The following RASA3 variants were observed in gnomAD, a reference collection of about 807,000 sequenced individuals.
RASA3 encodes RAS p21 protein activator 3.
In RASA3, 73 loss-of-function variants were observed where a neutral mutation model predicts 110.0. The observed-to-expected ratio is 0.66, with a 90% CI of 0.55 to 0.81. The LOEUF (loss-of-function observed/expected upper bound fraction) is 0.81. Ranked by LOEUF, RASA3 falls within the 30% of genes least tolerant of loss-of-function variation. RASA3 has a pLI of 0.00. For synonymous variants in RASA3, 500 were observed against 451.4 expected (o/e 1.11, Z -1.37); for missense variants, 976 against 1,113.2 (o/e 0.88, Z 1.75).
chr13:114,039,437 G>A (rs970340886), intron 4 of RASA3, among the ~76,000 whole-genome samples: 8 of 147,904 alleles, frequency 5.4e-5, no homozygotes, highest in African/African-American at 1.5e-4. Flanking sequence ...ACACTCAGAC[G>A]CTCACTGCGG....
chr13:114,040,912 G>A lies in RASA3; in HGVS notation c.372+88C>T, dbSNP rs1408768728. 22 of 1,259,720 alleles carry A rather than the reference G, an allele frequency of 1.7e-5. No individual in the cohort carries two copies. The African/African-American group carries it at 1.8e-4, about 10-fold the overall frequency. 78.0% of individuals were successfully genotyped at this position (1,259,720 alleles called of 1,614,324 possible). On this transcript the variant is annotated intron_variant, in intron 4 of 23. Transcript: ENST00000334062. ...CAGTCAAGGCCGAAGCCCGATCTAC[G>A]TCTTTAGCCACAGTCGGAGCCGGGC... is the stretch of plus-strand genomic sequence containing the variant.
chr13:114,097,172 C>T (rs958127913), intron 1 of RASA3, among the ~76,000 whole-genome samples: 4 of 152,218 alleles, frequency 2.6e-5, no homozygotes, highest in African/African-American at 9.6e-5. Flanking sequence ...ACCAAATGAG[C>T]ATCTTTAGAG....
At chr13:114,059,552 T>C (rs1461814274) in intron 2 of RASA3, among the ~76,000 whole-genome samples, 4 of 152,322 alleles carry the variant, frequency 2.6e-5, no homozygotes, top group African/African-American at 9.6e-5. Flanking sequence ...CCCTCATCTC[T>C]CAGCCTCAGG....
intron 17 of RASA3, among the ~76,000 whole-genome samples, chr13:114,008,972 A>G (rs7985473): frequency 0.35 from 6,674 of 19,110 alleles, 725 homozygotes; most frequent in Middle Eastern, 0.43. Context: ...CCGCGTTCCT[A>G]ACTGTGGGGA....
chr13:114,030,811 GTGTC>G (rs1848625817), intron 4 of RASA3, among the ~76,000 whole-genome samples: 2 of 151,824 alleles, frequency 1.3e-5, no homozygotes, highest in Admixed American at 6.6e-5. Flanking sequence ...GTGTCCGCCT[GTGTC>G]TGTGCATCTG....
At position 114,096,905 on chromosome 13, in the gene RASA3, G is replaced by A. The variant is rs186369252; in HGVS notation, c.56-23068C>T. On this transcript the variant is annotated intron_variant, in intron 1 of 23. Coordinates refer to ENST00000334062, the MANE Select transcript of RASA3 (RefSeq NM_007368.4). The surrounding 1 kb of genome is among the most constrained non-coding windows in gnomAD (Gnocchi z 5.1). Reference sequence around the variant, plus strand: ...GCACTCCGTGTTTGCCAACATGTGCGCCTTTGAACATGCGTTCTCTCCGCC... The same window carrying A: ...GCACTCCGTGTTTGCCAACATGTGCACCTTTGAACATGCGTTCTCTCCGCC... Among the ~76,000 whole-genome samples, 6 of 152,266 alleles carry A rather than the reference G, an allele frequency of 3.9e-5. No individual in the cohort carries two copies. The highest frequency in any genetic ancestry group is 3.9e-4 in the East Asian group (2 of 5,184).
At chr13:113,993,114 C>G (rs2053156905) in intron 21 of RASA3, among the ~76,000 whole-genome samples, 1 of 152,172 alleles carries the variant, frequency 6.6e-6, no homozygotes, top group African/African-American at 2.4e-5. Context: ...CTCCAGACCT[C>G]ATGTGGTTTA....
chr13:114,028,048 A>G (rs1255771091), intron 5 of RASA3, 121 bp from the exon 6 acceptor site: 1 of 792,490 alleles, frequency 1.3e-6, no homozygotes, highest in Non-Finnish European at 2.0e-6. Flanking sequence ...TCCTCACCGG[A>G]AGGCAGGGAG....
In RASA3 at chr13:114,058,126, G is replaced by A. The variant is rs148825415; in HGVS notation, c.174-5971C>T. Among the ~76,000 whole-genome samples the A allele has an allele frequency of 1.2e-4, 18 of 152,266 alleles. No homozygotes were observed. In the East Asian group the frequency reaches 3.5e-3, roughly 29 times the overall value. On this transcript the variant is annotated intron_variant, in intron 2 of 23. Coordinates refer to ENST00000334062, the MANE Select transcript of RASA3 (RefSeq NM_007368.4). ...CTGACCACTCAGGGGTGTGAGGACA[G>A]GGGCGAGGACCGGGATCATCAGTCA...
chr13:114,089,244 G>A (rs552163241), intron 1 of RASA3, among the ~76,000 whole-genome samples: 26 of 150,028 alleles, frequency 1.7e-4, no homozygotes, highest in East Asian at 4.0e-4. Context: ...AGGGATGTTC[G>A]GAGGAGGAGA....
intron 2 of RASA3, among the ~76,000 whole-genome samples, chr13:114,061,435 C>G (rs1293521721): frequency 6.6e-6 from 1 of 151,822 alleles, no homozygotes; most frequent in Non-Finnish European, 1.5e-5. Context: ...CTTTGGGAGG[C>G]CAAGGTGGGT....
intron 11 of RASA3, among the ~76,000 whole-genome samples, 160 bp downstream of exon 11, chr13:114,017,944 C>A (rs1054165221): frequency 3.9e-5 from 6 of 151,912 alleles, no homozygotes; most frequent in African/African-American, 9.7e-5. Flanking sequence ...AAAAAAGAAT[C>A]ATTAACTGGG....
chr13:114,021,548 C>T, intron 8 of RASA3, 40 bp from the exon 9 acceptor site: 2 of 1,566,780 alleles, frequency 1.3e-6, no homozygotes, highest in Non-Finnish European at 8.8e-7. Flanking sequence ...TGACGGCGGG[C>T]AGCCCGTGTG....
intron 20 of RASA3, among the ~76,000 whole-genome samples, chr13:113,996,940 C>T (rs1160396260): frequency 6.6e-6 from 1 of 152,234 alleles, no homozygotes; most frequent in African/African-American, 2.4e-5. Flanking sequence ...CACCCTAAAA[C>T]CTGACAGCTG....
chr13:114,093,031 C>T (rs2079905425), intron 1 of RASA3, among the ~76,000 whole-genome samples: 1 of 152,096 alleles, frequency 6.6e-6, no homozygotes, highest in South Asian at 2.1e-4. Flanking sequence ...CTTCTCCTCC[C>T]ATATTTTGAA....
At position 114,056,316 on chromosome 13, in the gene RASA3, T is replaced by G. The variant is rs1594397769; in HGVS notation, c.174-4161A>C. The G allele has an allele frequency of 2.7e-6, 1 of 376,106 alleles. No individual in the cohort carries two copies. Among genetic ancestry groups the G allele is most frequent in the Non-Finnish European group, 3.7e-6 (1 of 272,904 alleles). 23.3% of individuals were successfully genotyped at this position (376,106 alleles called of 1,614,324 possible). ...GTGTCCGGTGCGTGGTGAGGGGCGG[T>G]GAGATGAGGATGCCAGCGCTAAGCA... is the stretch of plus-strand genomic sequence containing the variant. On this transcript the variant is annotated intron_variant, in intron 2 of 23. Coordinates refer to ENST00000334062, the MANE Select transcript of RASA3 (RefSeq NM_007368.4). The surrounding 1 kb of genome is among the most constrained non-coding windows in gnomAD (Gnocchi z 5.7).
chr13:113,982,617 G>A (rs1000880387), intron 22 of RASA3, among the ~76,000 whole-genome samples: 9 of 152,252 alleles, frequency 5.9e-5, no homozygotes, highest in Admixed American at 2.0e-4. Flanking sequence ...GCCTGGGCAC[G>A]CACTCCCGGA....
At chr13:114,077,862 G>A in intron 1 of RASA3, 3 of 983,526 alleles carry the variant, frequency 3.1e-6, no homozygotes, top group Non-Finnish European at 3.6e-6. Flanking sequence ...ATCTACTTTT[G>A]CTATGATGCA....
intron 1 of RASA3, among the ~76,000 whole-genome samples, chr13:114,111,814 TGTG>T (rs1264475736): frequency 2.6e-5 from 4 of 152,248 alleles, no homozygotes; most frequent in Non-Finnish European, 4.4e-5. Context: ...AACCTCCATC[TGTG>T]GTCAGGAGTT....
Sources: allele counts gnomAD v4.1 joint callset (sites outside exome capture counted in the v4.1 genomes callset), GRCh38; gene constraint gnomAD v4.1.1; non-coding constraint Gnocchi (gnomAD v3.1); transcripts MANE v1.5; gene names NCBI Gene and HGNC (gene_info 2026-07-23, HGNC 2026-07-21).